The following ADGRL2 variants were observed in gnomAD, a reference collection of about 807,000 sequenced individuals.
ADGRL2 encodes adhesion G protein-coupled receptor L2.
In ADGRL2, 44 loss-of-function variants were observed where a neutral mutation model predicts 157.4. That is an observed-to-expected ratio of 0.28 (90% CI 0.22 to 0.36). ADGRL2 has a LOEUF of 0.36. ADGRL2 is among the 10% of genes least tolerant of loss of function. ADGRL2 has a pLI of 1.00. For missense variants in ADGRL2, 1,510 were observed against 1,768.9 expected (o/e 0.85, Z 2.63); for synonymous variants, 585 against 624.7 (o/e 0.94, Z 0.95).
At chr1:81,982,825 G>A (rs956623573) in intron 19 of ADGRL2, among the ~76,000 whole-genome samples, 1 of 151,934 alleles carries the variant, frequency 6.6e-6, no homozygotes, top group South Asian at 2.1e-4. Flanking sequence ...CAGCAATATA[G>A]GCATTAGGCA....
intron 23 of ADGRL2, chr1:81,989,669 C>T (rs1291795518): frequency 3.1e-6 from 5 of 1,610,520 alleles, no homozygotes; most frequent in Non-Finnish European, 4.2e-6. Flanking sequence ...ACTCTTAGGC[C>T]AGATAGCCTG....
intron 1 of ADGRL2, among the ~76,000 whole-genome samples, chr1:81,397,061 C>T (rs2076667614): frequency 6.6e-6 from 1 of 152,098 alleles, no homozygotes; most frequent in African/African-American, 2.4e-5. Flanking sequence ...TATTCATTCT[C>T]CTTTAAATCT....
At chr1:81,375,366 G>T (rs2076231808) in intron 1 of ADGRL2, among the ~76,000 whole-genome samples, 1 of 152,044 alleles carries the variant, frequency 6.6e-6, no homozygotes, top group South Asian at 2.1e-4. Flanking sequence ...AATTATGAAG[G>T]GCCGTGAAGT....
chr1:81,605,621 T>G (rs2081417198), intron 3 of ADGRL2, among the ~76,000 whole-genome samples: 1 of 152,222 alleles, frequency 6.6e-6, no homozygotes, highest in Non-Finnish European at 1.5e-5. Flanking sequence ...ACTTGGAATT[T>G]CTCTGATGAT....
At chr1:81,539,048 T>A (rs2079817035) in intron 2 of ADGRL2, among the ~76,000 whole-genome samples, 1 of 150,544 alleles carries the variant, frequency 6.6e-6, no homozygotes, top group Non-Finnish European at 1.5e-5. Context: ...AAATCTTCCC[T>A]TAATATACTT....
chr1:81,622,902 A>T (rs1339485222), intron 3 of ADGRL2, among the ~76,000 whole-genome samples: 3 of 152,220 alleles, frequency 2.0e-5, no homozygotes, highest in Non-Finnish European at 4.4e-5. Flanking sequence ...AATTCATTTA[A>T]TGAATCTGGA....
intron 3 of ADGRL2, among the ~76,000 whole-genome samples, chr1:81,676,648 G>A (rs538904963): frequency 6.6e-6 from 1 of 152,054 alleles, no homozygotes; most frequent in East Asian, 1.9e-4. Flanking sequence ...GTTACCTGGA[G>A]ACTGTGGAAA....
At chr1:81,561,944 G>C (rs1284733272) in intron 2 of ADGRL2, among the ~76,000 whole-genome samples, 1 of 151,776 alleles carries the variant, frequency 6.6e-6, no homozygotes, top group Non-Finnish European at 1.5e-5. Context: ...TGCCTTTTGG[G>C]GCAACTGACA....
chr1:81,424,864 C>T (rs191171959), intron 1 of ADGRL2, among the ~76,000 whole-genome samples: 79 of 152,276 alleles, frequency 5.2e-4, no homozygotes, highest in South Asian at 4.2e-3. Context: ...GCTTGTCAGA[C>T]ATTGAAAGCC....
chr1:81,853,802 TATG>T (rs1173483607), intron 2 of ADGRL2, among the ~76,000 whole-genome samples: 2 of 152,154 alleles, frequency 1.3e-5, no homozygotes, highest in East Asian at 3.8e-4. Context: ...CATAATATAC[TATG>T]ATGTTTGAGA....
At chr1:81,981,449 A>C (rs17107618) in intron 18 of ADGRL2, among the ~76,000 whole-genome samples, 2 of 151,950 alleles carry the variant, frequency 1.3e-5, no homozygotes. Flanking sequence ...TGAGTACACC[A>C]TAGGAATAAA....
intron 2 of ADGRL2, among the ~76,000 whole-genome samples, chr1:81,540,783 G>A (rs2079864294): frequency 6.6e-6 from 1 of 152,118 alleles, no homozygotes; most frequent in African/African-American, 2.4e-5. Context: ...GTTTCAAAAA[G>A]GTAATTATGT....
chr1:81,481,225 C>T (rs1048351191), intron 2 of ADGRL2, among the ~76,000 whole-genome samples: 2 of 152,002 alleles, frequency 1.3e-5, no homozygotes, highest in Non-Finnish European at 2.9e-5. Flanking sequence ...ACTAAGAAGC[C>T]CCATAAACTA....
At chr1:81,366,291 T>C (rs890524362) in intron 1 of ADGRL2, among the ~76,000 whole-genome samples, 13 of 86,326 alleles carry the variant, frequency 1.5e-4, no homozygotes, top group African/African-American at 4.0e-4. Flanking sequence ...CACATTTGGC[T>C]CCAGAAAAAA....
At chr1:81,435,149 TA>T (rs1296972837) in intron 1 of ADGRL2, among the ~76,000 whole-genome samples, 1 of 152,212 alleles carries the variant, frequency 6.6e-6, no homozygotes, top group Non-Finnish European at 1.5e-5. Context: ...TAAAAAATAT[TA>T]AAATAAAATT....
chr1:81,754,126 A>G (rs571317223), intron 1 of ADGRL2, among the ~76,000 whole-genome samples: 1 of 152,140 alleles, frequency 6.6e-6, no homozygotes, highest in Admixed American at 6.5e-5. Context: ...AAAAATGCCA[A>G]TAAGGCTTCT....
intron 1 of ADGRL2, among the ~76,000 whole-genome samples, chr1:81,361,132 T>A (rs781759593): frequency 1.5e-4 from 23 of 152,022 alleles, no homozygotes; most frequent in South Asian, 8.3e-4. Context: ...CAAACCACAA[T>A]GAATGTTTAT....
chr1:81,852,617 A>G (rs770137964), intron 2 of ADGRL2, among the ~76,000 whole-genome samples: 4 of 152,158 alleles, frequency 2.6e-5, no homozygotes, highest in Non-Finnish European at 5.9e-5. Context: ...ATGAACCTCC[A>G]TGGATTTGAG....
chr1:81,386,342 G>T (rs2076435000), intron 1 of ADGRL2, among the ~76,000 whole-genome samples: 1 of 152,108 alleles, frequency 6.6e-6, no homozygotes. Context: ...GTGTGGTAAG[G>T]TAACAATTGA....
Sources: allele counts gnomAD v4.1 joint callset (sites outside exome capture counted in the v4.1 genomes callset), GRCh38; gene constraint gnomAD v4.1.1; transcripts MANE v1.5; gene names NCBI Gene and HGNC (gene_info 2026-07-23, HGNC 2026-07-21).